Variants in TDRD10 observed in about 807,000 individuals in gnomAD.
TDRD10 encodes tudor domain-containing protein 10.
A neutral mutation model predicts 48.0 loss-of-function variants in TDRD10; 40 were observed. The observed-to-expected ratio is 0.83, with a 90% CI of 0.65 to 1.09. TDRD10 has a LOEUF of 1.09. Among genes scored for constraint, TDRD10 ranks in the 50% least tolerant of loss-of-function variants. The pLI is 0.00. For missense variants in TDRD10, 378 were observed against 434.7 expected, an observed-to-expected ratio of 0.87 and a Z score of 1.16; for synonymous variants, 162 against 170.4, an observed-to-expected ratio of 0.95 and a Z score of 0.38.
chr1:154,542,891 G>A, intron 8 of TDRD10, 70 bp downstream of exon 8: 1 of 1,357,424 alleles, frequency 7.4e-7, no homozygotes, highest in Non-Finnish European at 1.0e-6. Flanking sequence ...CCAGAGAGTG[G>A]GGACAAGGAT....
intron 4 of TDRD10, among the ~76,000 whole-genome samples, chr1:154,516,487 G>T (rs970265469): frequency 1.3e-5 from 2 of 152,060 alleles, no homozygotes; most frequent in Non-Finnish European, 2.9e-5. Flanking sequence ...TAAAAATCAG[G>T]GTTCTCTGCT....
chr1:154,541,927 A>G (rs1695257134), intron 6 of TDRD10, 97 bp from the exon 7 acceptor site: 2 of 1,248,378 alleles, frequency 1.6e-6, no homozygotes, highest in East Asian at 4.9e-5. Context: ...GGGGCTGCCG[A>G]TGCTCTGTCT....
chr1:154,544,136 A>G, intron 9 of TDRD10, 26 bp downstream of exon 9: 2 of 1,613,910 alleles, frequency 1.2e-6, no homozygotes, highest in Non-Finnish European at 1.7e-6. Flanking sequence ...TGGCCCCCTC[A>G]GGCTCCTGTG....
chr1:154,539,184 C>G (rs1161785466), intron 6 of TDRD10, among the ~76,000 whole-genome samples: 1 of 152,204 alleles, frequency 6.6e-6, no homozygotes, highest in East Asian at 1.9e-4. Flanking sequence ...ATGTCATTGT[C>G]CTGAGCCCAA....
At chr1:154,509,536 G>A (rs947081144) in intron 4 of TDRD10, among the ~76,000 whole-genome samples, 2 of 152,000 alleles carry the variant, frequency 1.3e-5, no homozygotes, top group Non-Finnish European at 2.9e-5. Context: ...AGCCAGGAGT[G>A]GAATCCAGGC....
chr1:154,529,583 T>G (rs1235164615), intron 6 of TDRD10, among the ~76,000 whole-genome samples: 1 of 151,142 alleles, frequency 6.6e-6, no homozygotes, highest in East Asian at 1.9e-4. Flanking sequence ...TTTGTTCCTG[T>G]TGACCAGGCT....
Position 154,524,349 on chromosome 1 carries a change from T to C in TDRD10, c.369+2870T>C, listed in dbSNP as rs12406579. ...GCCTGACTAATTTTTGTATTTTTTG[T>C]AGAAATGGGGTTTCGCCATGTTGCC... On this transcript the variant is annotated intron_variant, in intron 6 of 12. Coordinates refer to ENST00000368482, the MANE Select transcript of TDRD10 (RefSeq NM_182499.4). Among the ~76,000 whole-genome samples the C allele has an allele frequency of 7.0e-3, 1,060 of 152,252 alleles. 42 individuals are homozygous for C. The highest frequency in any genetic ancestry group is 0.056 in the Admixed American group (858 of 15,288).
In TDRD10 at chr1:154,502,922, A is replaced by T. The variant is rs955063065; in HGVS notation, c.-135A>T. ...TGGCCGCCGGGGATTGGCTGCCGGC[A>T]AGCCCCGCCCCGTGCCCCCGGGCTC... On this transcript the variant is annotated 5_prime_UTR_variant, in exon 1 of 13. Coordinates refer to ENST00000368482, the MANE Select transcript of TDRD10 (RefSeq NM_182499.4). The T allele has an allele frequency of 6.6e-6, 1 of 152,298 alleles. No individual in the cohort carries two copies. Among genetic ancestry groups the T allele is most frequent in the Non-Finnish European group, 1.5e-5 (1 of 68,166 alleles). 9.4% of individuals were successfully genotyped at this position (152,298 alleles called of 1,614,324 possible).
At chr1:154,521,267 C>T in intron 5 of TDRD10, 56 bp from the exon 6 acceptor site, 3 of 1,588,596 alleles carry the variant, frequency 1.9e-6, no homozygotes, top group Non-Finnish European at 2.6e-6. Context: ...CTCCCTGCAG[C>T]TCTGGGCTTC....
At chr1:154,529,813 G>C (rs12032148) in intron 6 of TDRD10, among the ~76,000 whole-genome samples, 2 of 152,038 alleles carry the variant, frequency 1.3e-5, no homozygotes, top group Non-Finnish European at 2.9e-5. Context: ...CCAAAGTGCC[G>C]GGATTACAGG....
intron 4 of TDRD10, among the ~76,000 whole-genome samples, chr1:154,517,323 T>TA (rs752579051): frequency 3.5e-4 from 53 of 152,328 alleles, no homozygotes; most frequent in Non-Finnish European, 5.9e-4. Context: ...TTTTGGCTGT[T>TA]ACAATATTCT....
chr1:154,544,681 C>G, intron 10 of TDRD10, 114 bp from the exon 11 acceptor site: 3 of 1,490,396 alleles, frequency 2.0e-6, no homozygotes, highest in Non-Finnish European at 2.7e-6. Flanking sequence ...AGAAACAGAG[C>G]AAACTCGCTC....
At position 154,544,479 on chromosome 1, in the gene TDRD10, A is replaced by T. The variant is rs762515741; in HGVS notation, c.759A>T (p.Ala253=). The part of the protein sequence containing the change: ...STVMRGTRCL[A]EYHLGDYGHA... ...TTATGCGCGGGACTCGCTGTCTGGC[A>T]GAGTACCACCTGGGGGATTATGGAC... Residue 253 remains alanine, a synonymous_variant, in exon 10 of 13, where the codon GCA becomes GCT. Coordinates refer to ENST00000368482, the MANE Select transcript of TDRD10 (RefSeq NM_182499.4). 6.2e-7 allele frequency: 1 copy of T among 1,613,774 alleles called. No individual in the cohort carries two copies. Among genetic ancestry groups the T allele is most frequent in the Non-Finnish European group, 8.5e-7 (1 of 1,179,966 alleles).
chr1:154,519,698 G>A (rs984832285), intron 4 of TDRD10, among the ~76,000 whole-genome samples: 1 of 152,178 alleles, frequency 6.6e-6, no homozygotes, highest in African/African-American at 2.4e-5. Context: ...AGAAAAAATA[G>A]GGTGTAGTTC....
At chr1:154,528,675 G>A (rs1694442045) in intron 6 of TDRD10, among the ~76,000 whole-genome samples, 1 of 151,844 alleles carries the variant, frequency 6.6e-6, no homozygotes, top group Non-Finnish European at 1.5e-5. Context: ...AATTAGCCTG[G>A]TGTGGTGGTG....
At chr1:154,508,325 G>A in intron 3 of TDRD10, 98 bp from the exon 4 acceptor site, 1 of 828,568 alleles carries the variant, frequency 1.2e-6, no homozygotes, top group South Asian at 1.5e-5. Flanking sequence ...GACCAGACTG[G>A]GCAACATAGA....
chr1:154,522,867 A>G (rs973838188), intron 6 of TDRD10, among the ~76,000 whole-genome samples: 1 of 152,012 alleles, frequency 6.6e-6, no homozygotes, highest in African/African-American at 2.4e-5. Context: ...CAAATTTAGC[A>G]TCCATGTGGA....
At chr1:154,527,695 A>G (rs1694385762) in intron 6 of TDRD10, among the ~76,000 whole-genome samples, 1 of 152,206 alleles carries the variant, frequency 6.6e-6, no homozygotes, top group South Asian at 2.1e-4. Context: ...TTGAAAGTTG[A>G]TGTATAAAGA....
At chr1:154,525,085 TG>T (rs1314970224) in intron 6 of TDRD10, among the ~76,000 whole-genome samples, 1 of 152,234 alleles carries the variant, frequency 6.6e-6, no homozygotes, top group Admixed American at 6.5e-5. Context: ...GTGAATGTGG[TG>T]CTCACATGCT....
Sources: gnomAD v4.1 joint callset for allele counts (sites outside exome capture counted in the v4.1 genomes callset) on GRCh38, gnomAD v4.1.1 for gene constraint, MANE v1.5 for transcripts, NCBI Gene and HGNC (gene_info 2026-07-23, HGNC 2026-07-21) for gene names.